The following AGO2 variants were observed in gnomAD, a reference collection of about 807,000 sequenced individuals.
The protein encoded by AGO2 is protein argonaute-2.
AGO2 carries 5 observed loss-of-function variants against 102.3 expected under a neutral mutation model. That is an observed-to-expected ratio of 0.05 (90% CI 0.03 to 0.10). The LOEUF (loss-of-function observed/expected upper bound fraction) is 0.10. Ranked by LOEUF, AGO2 falls within the 10% of genes least tolerant of loss-of-function variation. The pLI is 1.00. For missense variants in AGO2, 541 were observed against 1,183.7 expected, an observed-to-expected ratio of 0.46 and a Z score of 7.97; for synonymous variants, 449 against 473.1, an observed-to-expected ratio of 0.95 and a Z score of 0.66.
At position 140,539,699 on chromosome 8, in the gene AGO2, TTG is replaced by T. The variant is rs1166476776; in HGVS notation, c.2035-247_2035-246del. On this transcript the variant is annotated intron_variant, in intron 15 of 18. Transcript: ENST00000220592. This position sits in a 1 kb window ranked among gnomAD's most constrained non-coding sequence, Gnocchi z 4.7. ...CACTTCCCCTGGAGGGCCCAGGAGG[TTG>T]TGTGTGTGCAAGGGGCGCAGCCAAC... Among the ~76,000 whole-genome samples the T allele has an allele frequency of 1.3e-5, 2 of 151,516 alleles. No homozygotes were observed. The highest frequency in any genetic ancestry group is 4.9e-5 in the African/African-American group (2 of 41,212).
At chr8:140,613,607 G>C (rs1678728416) in intron 1 of AGO2, among the ~76,000 whole-genome samples, 1 of 152,174 alleles carries the variant, frequency 6.6e-6, no homozygotes, top group South Asian at 2.1e-4. Flanking sequence ...TAAAAACACA[G>C]CAGCCCTGCC....
rs9324527 is a variant in AGO2 at position 140,604,477 on chromosome 8, G to A, written c.23-19166C>T. 4.2e-3 allele frequency among the ~76,000 whole-genome samples: 634 copies of A among 152,310 alleles called. 5 individuals carry two copies. Among genetic ancestry groups the A allele is most frequent in the African/African-American group, 0.014 (598 of 41,568 alleles). On this transcript the variant is annotated intron_variant, in intron 1 of 18. Coordinates refer to ENST00000220592, the MANE Select transcript of AGO2 (RefSeq NM_012154.5). ...GGAGGCAGAGATGGGTGGATCATGA[G>A]GTCAGGAGTTCAAGACCAGCCTGGC... is the stretch of plus-strand genomic sequence containing the variant.
At chr8:140,628,620 T>C (rs1190226663) in intron 1 of AGO2, among the ~76,000 whole-genome samples, 2 of 148,768 alleles carry the variant, frequency 1.3e-5, no homozygotes, top group Admixed American at 6.7e-5. Flanking sequence ...CTGGGCAACA[T>C]AGGGAGACCT....
rs2072536511 is a variant in AGO2 at position 140,528,285 on chromosome 8, A to G, written c.*3759T>C. 1 of 152,258 alleles carries G rather than the reference A, an allele frequency of 6.6e-6. No homozygotes were observed. Among genetic ancestry groups the G allele is most frequent in the South Asian group, 2.1e-4 (1 of 4,830 alleles). 9.4% of individuals were successfully genotyped at this position (152,258 alleles called of 1,614,324 possible). A position where few individuals can be genotyped will look rare whatever the true frequency, so the allele number is the denominator to read the frequency against. ...CATTAGGTACCACATGCACTGGAAT[A>G]TCTGTGTCGGCCAAACCAAACCAGA... On this transcript the variant is annotated 3_prime_UTR_variant, in exon 19 of 19. Transcript: ENST00000220592. This position sits in a 1 kb window ranked among gnomAD's most constrained non-coding sequence, Gnocchi z 4.5.
chr8:140,608,530 C>T (rs2074034519), intron 1 of AGO2, among the ~76,000 whole-genome samples: 1 of 152,222 alleles, frequency 6.6e-6, no homozygotes, highest in Non-Finnish European at 1.5e-5. Context: ...GGCAGGCAGG[C>T]GTCAAGCAAG....
chr8:140,595,800 T>TATACAATTGTATATACAATTATATTAC (rs2073821884), intron 1 of AGO2, among the ~76,000 whole-genome samples: 1 of 48,196 alleles, frequency 2.1e-5, no homozygotes, highest in African/African-American at 5.4e-5. Flanking sequence ...AATTATATTA[T>TATACAATTGTATATACAATTATATTAC]ATACAATTGT....
rs149846527 is a variant in AGO2, at chr8:140,582,081, A to AAATT, written c.215+3034_215+3037dup. On this transcript the variant is annotated intron_variant, in intron 2 of 18. Transcript: ENST00000220592. ...AAAATTCAAAGGGGCTTTCTAGCAG[A>AAATT]AATTGATAAGTTATTTATATTTATT... 1.0e-3 allele frequency among the ~76,000 whole-genome samples: 158 copies of AAATT among 152,374 alleles called. 1 individual carries two copies. Among genetic ancestry groups the AAATT allele is most frequent in the Non-Finnish European group, 1.5e-3 (105 of 68,042 alleles).
chr8:140,608,864 G>A (rs1369735769), intron 1 of AGO2, among the ~76,000 whole-genome samples: 3 of 152,198 alleles, frequency 2.0e-5, no homozygotes, highest in African/African-American at 7.2e-5. Flanking sequence ...TCAGCCCCGC[G>A]GGGTGATGGG....
chr8:140,628,172 G>A (rs1462761561), intron 1 of AGO2, among the ~76,000 whole-genome samples: 3 of 152,248 alleles, frequency 2.0e-5, no homozygotes, highest in African/African-American at 7.2e-5. Flanking sequence ...TCCCCCGGCC[G>A]CAGCGCCCAC....
chr8:140,571,358 C>G (rs1427504711), intron 3 of AGO2, among the ~76,000 whole-genome samples: 2 of 152,190 alleles, frequency 1.3e-5, no homozygotes, highest in Non-Finnish European at 2.9e-5. Flanking sequence ...TTATTCATTT[C>G]AAGATTATCA....
the AGO2 span, among the ~76,000 whole-genome samples, chr8:140,640,842 GT>G: frequency 1.3e-5 from 2 of 152,164 alleles, no homozygotes; most frequent in Non-Finnish European, 2.9e-5. Flanking sequence ...TAAGCATGAT[GT>G]GAAGACCACC....
intron 2 of AGO2, among the ~76,000 whole-genome samples, chr8:140,574,035 G>A (rs1012674578): frequency 1.3e-5 from 2 of 152,190 alleles, no homozygotes; most frequent in Non-Finnish European, 2.9e-5. Context: ...GGGTTTTGGT[G>A]TTGGGGGCTC....
intron 17 of AGO2, among the ~76,000 whole-genome samples, chr8:140,534,292 T>C (rs2072656089): frequency 6.6e-6 from 1 of 152,106 alleles, no homozygotes; most frequent in African/African-American, 2.4e-5. Context: ...AGATTTTGGG[T>C]AGAAAGTTCA....
intron 1 of AGO2, among the ~76,000 whole-genome samples, chr8:140,620,639 C>G (rs111930956): frequency 0.012 from 1,822 of 152,136 alleles, 32 homozygotes; most frequent in African/African-American, 0.04. Flanking sequence ...CTGAGGCAGG[C>G]AAATCACTTT....
chr8:140,551,265 C>A (rs746169828), intron 11 of AGO2, 38 bp downstream of exon 11: 1 of 1,460,608 alleles, frequency 6.8e-7, no homozygotes, highest in African/African-American at 1.4e-5. Context: ...CATCGGGCAG[C>A]ACCCCCAGGC....
chr8:140,547,321 T>C (rs1293202129), intron 13 of AGO2, 147 bp downstream of exon 13: 3 of 1,040,454 alleles, frequency 2.9e-6, no homozygotes, highest in Non-Finnish European at 2.7e-6. Flanking sequence ...GATCTATGTC[T>C]GACATCTTTG....
Position 140,552,463 on chromosome 8 carries a change from T to C in AGO2, c.1270-1027A>G, listed in dbSNP as rs1246822884. Among the ~76,000 whole-genome samples the C allele has an allele frequency of 2.0e-5, 3 of 152,228 alleles. No individual in the cohort carries two copies. In the East Asian group the frequency reaches 5.8e-4, roughly 29 times the overall value. ...TGGGGGCATTGCTAAAGGATGCGGC[T>C]GTGCCTGGGCTGCCGTCATTTACTC... On this transcript the variant is annotated intron_variant, in intron 10 of 18. Coordinates refer to ENST00000220592, the MANE Select transcript of AGO2 (RefSeq NM_012154.5).
chr8:140,546,359 T>G (rs1290871930), intron 13 of AGO2, among the ~76,000 whole-genome samples: 1 of 152,230 alleles, frequency 6.6e-6, no homozygotes, highest in Non-Finnish European at 1.5e-5. Flanking sequence ...GTCCACTTGC[T>G]AGGGGTGGAA....
At position 140,585,100 on chromosome 8, in the gene AGO2, G is replaced by GA. The variant is rs1564100899; in HGVS notation, c.215+18dup. 1 of 1,610,174 alleles carries GA rather than the reference G, an allele frequency of 6.2e-7. No individual in the cohort carries two copies. The highest frequency in any genetic ancestry group is 2.2e-5 in the East Asian group (1 of 44,854). On this transcript the variant is annotated intron_variant, in intron 2 of 18. Coordinates refer to ENST00000220592, the MANE Select transcript of AGO2 (RefSeq NM_012154.5). ...CGCGCAGACCACTTACACAGGTCAT[G>GA]AAGGATGAAACGTAATACCTGTTAA...
Sources: gnomAD v4.1 joint callset for allele counts (sites outside exome capture counted in the v4.1 genomes callset) on GRCh38, gnomAD v4.1.1 for gene constraint, Gnocchi (gnomAD v3.1) non-coding constraint, MANE v1.5 for transcripts, NCBI Gene and HGNC (gene_info 2026-07-23, HGNC 2026-07-21) for gene names.